Variants in KIAA2012 observed in about 807,000 individuals in gnomAD.
The protein encoded by KIAA2012 is uncharacterized protein KIAA2012.
A neutral mutation model predicts 150.6 loss-of-function variants in KIAA2012; 125 were observed. The ratio of observed to expected loss-of-function variants is 0.83; its 90% CI spans 0.72 to 0.96. The LOEUF is 0.96. KIAA2012 is among the 40% of genes least tolerant of loss of function. KIAA2012 has a pLI of 0.00. For missense variants in KIAA2012, 1,219 were observed against 1,354.9 expected (o/e 0.90, Z 1.57); for synonymous variants, 462 against 504.7 (o/e 0.92, Z 1.13).
At chr2:202,106,414 G>A (rs754640567) in intron 9 of KIAA2012, among the ~76,000 whole-genome samples, 17 of 152,136 alleles carry the variant, frequency 1.1e-4, no homozygotes, top group African/African-American at 3.6e-4. Flanking sequence ...GGCGGGGTGC[G>A]GTGGCTCATG....
At chr2:202,138,879 AAAAC>A (rs1459983723) in intron 13 of KIAA2012, among the ~76,000 whole-genome samples, 2 of 152,204 alleles carry the variant, frequency 1.3e-5, no homozygotes, top group African/African-American at 4.8e-5. Context: ...GCAATTAAGA[AAAAC>A]AAAGTGCAAA....
intron 12 of KIAA2012, among the ~76,000 whole-genome samples, chr2:202,128,916 G>T (rs1690859982): frequency 6.6e-6 from 1 of 152,000 alleles, no homozygotes; most frequent in African/African-American, 2.4e-5. Flanking sequence ...GTTGCTAAGG[G>T]AATAGATATA....
intron 12 of KIAA2012, among the ~76,000 whole-genome samples, chr2:202,127,095 G>A (rs1345967402): frequency 7.6e-6 from 1 of 132,284 alleles, no homozygotes; most frequent in Non-Finnish European, 1.6e-5. Context: ...GATATCATAG[G>A]GAGAAGAGGA....
intron 1 of KIAA2012, among the ~76,000 whole-genome samples, chr2:202,074,672 T>C (rs1689282991): frequency 6.6e-6 from 1 of 152,168 alleles, no homozygotes; most frequent in Non-Finnish European, 1.5e-5. Flanking sequence ...TCCTGAAAGT[T>C]GTATGGGGTG....
chr2:202,076,481 T>C (rs1302494528), intron 2 of KIAA2012, among the ~76,000 whole-genome samples: 1 of 152,210 alleles, frequency 6.6e-6, no homozygotes, highest in Non-Finnish European at 1.5e-5. Context: ...CCTGACTGAA[T>C]GCCCAATGCT....
At chr2:202,203,022 C>G (rs1257515973) in intron 23 of KIAA2012, among the ~76,000 whole-genome samples, 1 of 152,060 alleles carries the variant, frequency 6.6e-6, no homozygotes, top group Non-Finnish European at 1.5e-5. Flanking sequence ...ATTCTCTACT[C>G]TGGAACCTCC....
intron 11 of KIAA2012, among the ~76,000 whole-genome samples, chr2:202,122,428 A>G (rs1690674206): frequency 6.6e-6 from 1 of 152,086 alleles, no homozygotes; most frequent in Non-Finnish European, 1.5e-5. Context: ...GCCCATGACA[A>G]GACTGTTTGC....
chr2:202,159,389 A>C (rs369036536), intron 14 of KIAA2012, among the ~76,000 whole-genome samples: 1 of 152,020 alleles, frequency 6.6e-6, no homozygotes, highest in Non-Finnish European at 1.5e-5. Context: ...CAAAAAAAAA[A>C]AAAACAGAAT....
At chr2:202,204,790 G>T (rs1308503141) in intron 23 of KIAA2012, among the ~76,000 whole-genome samples, 1 of 152,048 alleles carries the variant, frequency 6.6e-6, no homozygotes, top group Admixed American at 6.6e-5. Flanking sequence ...CAGTCATACT[G>T]AACTTAAATA....
intron 3 of KIAA2012, 90 bp from the exon 4 acceptor site, chr2:202,092,940 C>A: frequency 8.9e-7 from 1 of 1,119,504 alleles, no homozygotes; most frequent in Non-Finnish European, 1.3e-6. Flanking sequence ...AAAGCCAAGA[C>A]TAGTGTAAGT....
chr2:202,089,026 T>C (rs1179036313), intron 2 of KIAA2012, among the ~76,000 whole-genome samples: 4 of 152,222 alleles, frequency 2.6e-5, no homozygotes, highest in African/African-American at 9.6e-5. Context: ...GCTGTCTCCT[T>C]CCCACTCTTT....
chr2:202,146,527 G>A (rs140322063), intron 13 of KIAA2012, among the ~76,000 whole-genome samples: 3,161 of 151,826 alleles, frequency 0.021, 106 homozygotes, highest in African/African-American at 0.071. Flanking sequence ...AGATACTCGG[G>A]AGCCTGAGGC....
chr2:202,148,350 A>G (rs1241931430), intron 13 of KIAA2012, among the ~76,000 whole-genome samples: 2 of 152,150 alleles, frequency 1.3e-5, no homozygotes, highest in Admixed American at 6.5e-5. Context: ...AGGATGTCAA[A>G]TCTCCTTCTA....
chr2:202,106,691 T>TA (rs907909263), intron 9 of KIAA2012, among the ~76,000 whole-genome samples: 184 of 131,082 alleles, frequency 1.4e-3, no homozygotes, highest in African/African-American at 4.1e-3. Context: ...TGTCTAAAAA[T>TA]AAAAAAAAAA....
chr2:202,098,539 C>G lies in KIAA2012; in HGVS notation c.828+962C>G, dbSNP rs73053520. On this transcript the variant is annotated intron_variant, in intron 5 of 23. Transcript: ENST00000498697. ...TTCCAAACTTATGTAACCACAGATTCTCCCCTGACTCTTTGCTCATCTTGG... is the reference window on the plus strand; with the variant it reads ...TTCCAAACTTATGTAACCACAGATTGTCCCCTGACTCTTTGCTCATCTTGG... 4.8e-3 allele frequency among the ~76,000 whole-genome samples: 726 copies of G among 152,292 alleles called. 8 individuals carry two copies. The highest frequency in any genetic ancestry group is 0.016 in the African/African-American group (678 of 41,552).
At chr2:202,138,212 T>C in intron 12 of KIAA2012, 1 of 360,464 alleles carries the variant, frequency 2.8e-6, no homozygotes. Context: ...TATGTTTGAA[T>C]ATAAGGTCTT....
intron 2 of KIAA2012, among the ~76,000 whole-genome samples, chr2:202,082,455 C>A (rs1689471836): frequency 1.3e-5 from 2 of 152,066 alleles, no homozygotes; most frequent in African/African-American, 2.4e-5. Context: ...TGCCTTTTCA[C>A]TCGGTTGATA....
chr2:202,157,334 C>G (rs531098458), intron 14 of KIAA2012, among the ~76,000 whole-genome samples: 1 of 152,326 alleles, frequency 6.6e-6, no homozygotes, highest in Admixed American at 6.5e-5. Flanking sequence ...CACAGGCTGT[C>G]CTCCACACCT....
At chr2:202,111,000 A>T (rs575225372) in intron 10 of KIAA2012, among the ~76,000 whole-genome samples, 29 of 152,086 alleles carry the variant, frequency 1.9e-4, no homozygotes, top group Non-Finnish European at 3.5e-4. Context: ...CAGGGTTGGA[A>T]CTTCTCTTTC....
Sources: gnomAD v4.1 joint callset for allele counts (sites outside exome capture counted in the v4.1 genomes callset) on GRCh38, gnomAD v4.1.1 for gene constraint, MANE v1.5 for transcripts, NCBI Gene and HGNC (gene_info 2026-07-23, HGNC 2026-07-21) for gene names.